The following ZNRF3 variants were observed in gnomAD, a reference collection of about 807,000 sequenced individuals.
The protein encoded by ZNRF3 is E3 ubiquitin-protein ligase ZNRF3.
Under a neutral mutation model 72.5 loss-of-function variants are expected in ZNRF3, and 23 were observed. The observed-to-expected ratio is 0.32, with a 90% CI of 0.23 to 0.45. The LOEUF (loss-of-function observed/expected upper bound fraction) is 0.45, where lower values mean the gene tolerates loss of function less well. ZNRF3 is among the 20% of genes least tolerant of loss of function. The pLI is 1.00. For missense variants in ZNRF3, 1,169 were observed against 1,272.1 expected (o/e 0.92, Z 1.23); for synonymous variants, 610 against 545.3 (o/e 1.12, Z -1.65).
intron 2 of ZNRF3, among the ~76,000 whole-genome samples, chr22:29,003,393 G>C (rs941183858): frequency 6.6e-6 from 1 of 151,846 alleles, no homozygotes; most frequent in South Asian, 2.1e-4. Context: ...GGTGGCGGGC[G>C]CCTGTAGTCC....
rs1016825283 is a variant in ZNRF3, at chr22:29,050,774, C to T, written c.2593C>T (p.Arg865Trp). Residue 865 changes from arginine to tryptophan, a missense_variant, in exon 8 of 9, where the codon CGG becomes TGG. Physicochemically the swap from Arg to Trp is moderately radical, Grantham distance 101. Coordinates refer to ENST00000544604, the MANE Select transcript of ZNRF3 (RefSeq NM_001206998.2). ...TGGGACGCGAGGCCCGGATACCCCA[C>T]GGCCCCACAGGGGCCTGGGAGCAAC... is the stretch of plus-strand genomic sequence containing the variant. ...WGGTRGPDTP[R>W]PHRGLGATRE... 1.2e-6 allele frequency: 2 copies of T among 1,606,892 alleles called. No individual in the cohort carries two copies. Among genetic ancestry groups the T allele is most frequent in the Non-Finnish European group, 1.7e-6 (2 of 1,177,070 alleles).
chr22:28,887,993 A>C (rs541444530), intron 1 of ZNRF3, among the ~76,000 whole-genome samples: 2 of 152,266 alleles, frequency 1.3e-5, no homozygotes, highest in Non-Finnish European at 2.9e-5. Flanking sequence ...TCAAATATTT[A>C]GAAAAGCTTG....
chr22:29,031,587 C>G (rs560281661), intron 2 of ZNRF3: 76 of 985,490 alleles, frequency 7.7e-5, no homozygotes, highest in Non-Finnish European at 8.9e-5. Flanking sequence ...TGGGTGGTCA[C>G]TACTAAGTGA....
At chr22:28,927,392 AAAACAAAC>A (rs368292568) in intron 1 of ZNRF3, among the ~76,000 whole-genome samples, 1 of 152,194 alleles carries the variant, frequency 6.6e-6, no homozygotes, top group African/African-American at 2.4e-5. Flanking sequence ...TGTCTCTACC[AAAACAAAC>A]AAACAAACAA....
intron 1 of ZNRF3, among the ~76,000 whole-genome samples, chr22:28,934,248 G>A (rs2034777451): frequency 6.6e-6 from 1 of 152,096 alleles, no homozygotes; most frequent in Non-Finnish European, 1.5e-5. Flanking sequence ...GTCTGTTTCT[G>A]TATAGAGTGC....
At chr22:28,942,377 A>G (rs2034963717) in intron 1 of ZNRF3, among the ~76,000 whole-genome samples, 1 of 152,218 alleles carries the variant, frequency 6.6e-6, no homozygotes, top group Admixed American at 6.5e-5. Context: ...GCCCTTTCAT[A>G]TAGCACATCA....
rs181572990 is a variant in ZNRF3, at chr22:29,052,173, A to G, written c.2767+1225A>G. On this transcript the variant is annotated intron_variant, in intron 8 of 8. Transcript: ENST00000544604. ...TCTGAGTAGCACTGCAACAAGATCT[A>G]CCTGCAAAGTACATCCCAAATGTAT... 8.1e-4 allele frequency among the ~76,000 whole-genome samples: 124 copies of G among 152,312 alleles called. No individual in the cohort carries two copies. The Middle Eastern group carries it at 0.031, about 38-fold the overall frequency.
At chr22:28,962,530 G>C (rs984849188) in intron 1 of ZNRF3, among the ~76,000 whole-genome samples, 3 of 152,228 alleles carry the variant, frequency 2.0e-5, no homozygotes, top group African/African-American at 7.2e-5. Context: ...GACTCTCGTA[G>C]AGGTGCTACA....
rs562282945 is a variant in ZNRF3, at chr22:28,923,013, A to G, written c.300+38947A>G. Among the ~76,000 whole-genome samples, 10 of 152,204 alleles carry G rather than the reference A, an allele frequency of 6.6e-5. No homozygotes were observed. The South Asian group carries it at 2.1e-3, about 32-fold the overall frequency. ...AGTAAGGAGAAAAACTGGCCTTGTG[A>G]CATAGCCCCAGGGATGTGCTGTGCC... On this transcript the variant is annotated intron_variant, in intron 1 of 8. Transcript: ENST00000544604.
intron 1 of ZNRF3, among the ~76,000 whole-genome samples, chr22:28,908,136 G>A (rs377721216): frequency 1.3e-5 from 2 of 152,176 alleles, no homozygotes; most frequent in South Asian, 4.1e-4. Flanking sequence ...ATTAAAACTA[G>A]CTTCTGTTCA....
At chr22:28,951,915 C>T (rs545799071) in intron 1 of ZNRF3, among the ~76,000 whole-genome samples, 31 of 152,326 alleles carry the variant, frequency 2.0e-4, no homozygotes, top group Admixed American at 6.5e-5. Context: ...GCTCCCATCC[C>T]GTTTGCATGT....
chr22:29,053,429 A>G, intron 8 of ZNRF3, 150 bp from the exon 9 acceptor site: 1 of 627,008 alleles, frequency 1.6e-6, no homozygotes, highest in Non-Finnish European at 2.7e-6. Flanking sequence ...CTCAGCACAA[A>G]TGGAGCCCCT....
intron 1 of ZNRF3, among the ~76,000 whole-genome samples, chr22:28,955,974 G>A (rs1028181146): frequency 6.6e-6 from 1 of 152,140 alleles, no homozygotes; most frequent in African/African-American, 2.4e-5. Flanking sequence ...ACATCCTGTT[G>A]AGGTGTCCCA....
At chr22:28,978,804 CT>C (rs2035717971) in intron 1 of ZNRF3, among the ~76,000 whole-genome samples, 1 of 152,148 alleles carries the variant, frequency 6.6e-6, no homozygotes, top group Non-Finnish European at 1.5e-5. Context: ...TTCTGTAACT[CT>C]TATAGTCAAT....
chr22:28,969,722 T>TA (rs1341338118), intron 1 of ZNRF3, among the ~76,000 whole-genome samples: 1 of 152,106 alleles, frequency 6.6e-6, no homozygotes, highest in African/African-American at 2.4e-5. Context: ...TGGCATGACT[T>TA]ATATTTTAAC....
At chr22:28,904,599 T>TTCTCTC (rs372747315) in intron 1 of ZNRF3, among the ~76,000 whole-genome samples, 3 of 150,842 alleles carry the variant, frequency 2.0e-5, no homozygotes, top group Non-Finnish European at 4.4e-5. Context: ...TTTCTTTTTC[T>TTCTCTC]TCTCTCTCTC....
At chr22:28,930,491 T>C (rs747998168) in intron 1 of ZNRF3, among the ~76,000 whole-genome samples, 16 of 152,138 alleles carry the variant, frequency 1.1e-4, no homozygotes, top group Non-Finnish European at 1.9e-4. Context: ...GAAGATTGGG[T>C]TCAAGCCCCG....
At chr22:28,913,959 C>T (rs1467627718) in intron 1 of ZNRF3, among the ~76,000 whole-genome samples, 1 of 152,144 alleles carries the variant, frequency 6.6e-6, no homozygotes, top group Non-Finnish European at 1.5e-5. Flanking sequence ...GTTTGCCCCG[C>T]CTCTGTGTGT....
At chr22:28,962,960 G>A (rs1184634054) in intron 1 of ZNRF3, among the ~76,000 whole-genome samples, 1 of 152,124 alleles carries the variant, frequency 6.6e-6, no homozygotes, top group African/African-American at 2.4e-5. Flanking sequence ...AAACAAAGAG[G>A]GTTATTTTGT....
Sources: allele counts gnomAD v4.1 joint callset (sites outside exome capture counted in the v4.1 genomes callset), GRCh38; gene constraint gnomAD v4.1.1; transcripts MANE v1.5; gene names NCBI Gene and HGNC (gene_info 2026-07-23, HGNC 2026-07-21).